DLGAP2: variants seen among roughly 807,000 people sequenced by gnomAD.
DLGAP2 encodes the protein DLG associated protein 2.
A neutral mutation model predicts 100.3 loss-of-function variants in DLGAP2; 26 were observed. The observed-to-expected ratio is 0.26, with a 90% CI of 0.19 to 0.36. The LOEUF (loss-of-function observed/expected upper bound fraction) is 0.36, where lower values mean the gene tolerates loss of function less well. Ranked by LOEUF, DLGAP2 falls within the 10% of genes least tolerant of loss-of-function variation. The pLI is 1.00. For synonymous variants in DLGAP2, 886 were observed against 630.1 expected, an observed-to-expected ratio of 1.41 and a Z score of -6.08; for missense variants, 1,858 against 1,453.2, an observed-to-expected ratio of 1.28 and a Z score of -4.53.
intron 6 of DLGAP2, among the ~76,000 whole-genome samples, chr8:1,593,568 A>T (rs191164975): frequency 6.6e-6 from 1 of 152,134 alleles, no homozygotes; most frequent in Admixed American, 6.5e-5. Context: ...TGCTCGGGAG[A>T]TTCTCTCAAG....
chr8:1,380,190 C>G (rs752579638), intron 3 of DLGAP2: 5 of 152,116 alleles, frequency 3.3e-5, no homozygotes, highest in Non-Finnish European at 7.3e-5. Flanking sequence ...GAAAAGAGTA[C>G]TCGAATGTGC....
rs190290515 is a variant in DLGAP2 at position 827,643 on chromosome 8, T to C, written c.19-80269T>C. Among the ~76,000 whole-genome samples, 362 of 152,326 alleles carry C rather than the reference T, an allele frequency of 2.4e-3. 6 individuals are homozygous for C. Among genetic ancestry groups the C allele is most frequent in the Non-Finnish European group, 3.2e-4 (22 of 68,028 alleles). On this transcript the variant is annotated intron_variant, in intron 1 of 14. Coordinates refer to ENST00000637795, the MANE Select transcript of DLGAP2 (RefSeq NM_001346810.2). Reference sequence around the variant, plus strand: ...TTTGTCTCATTTGAAATAAGATAAATGATAGCATGAATTCTTAGCATTACT... The same window carrying C: ...TTTGTCTCATTTGAAATAAGATAAACGATAGCATGAATTCTTAGCATTACT...
chr8:1,686,191 AT>A (rs1799110081), intron 12 of DLGAP2, among the ~76,000 whole-genome samples: 1 of 152,222 alleles, frequency 6.6e-6, no homozygotes, highest in African/African-American at 2.4e-5. Flanking sequence ...CAGTAGAAAA[AT>A]GGATAAAGAA....
chr8:1,444,602 T>A (rs1563153499), intron 3 of DLGAP2, among the ~76,000 whole-genome samples: 1 of 152,168 alleles, frequency 6.6e-6, no homozygotes, highest in Non-Finnish European at 1.5e-5. Context: ...GAACCCTCCC[T>A]CCACCTCCTT....
chr8:1,697,464 G>A (rs1313104296), intron 14 of DLGAP2, among the ~76,000 whole-genome samples, 165 bp downstream of exon 14: 1 of 152,174 alleles, frequency 6.6e-6, no homozygotes, highest in Non-Finnish European at 1.5e-5. Flanking sequence ...GCACATGTGT[G>A]TGCGTGTGTG....
intron 1 of DLGAP2, among the ~76,000 whole-genome samples, chr8:770,789 T>C (rs1821335926): frequency 6.6e-6 from 1 of 152,188 alleles, no homozygotes; most frequent in South Asian, 2.1e-4. Context: ...CACAGTTATA[T>C]ACTGACCTGT....
At chr8:798,909 T>C (rs961501143) in intron 1 of DLGAP2, among the ~76,000 whole-genome samples, 9 of 152,266 alleles carry the variant, frequency 5.9e-5, no homozygotes, top group Non-Finnish European at 8.8e-5. Context: ...CCTGCTTCCG[T>C]TGGCACTGAA....
intron 4 of DLGAP2, among the ~76,000 whole-genome samples, chr8:1,541,099 G>A (rs541911389): frequency 6.6e-5 from 10 of 152,288 alleles, no homozygotes; most frequent in Admixed American, 5.9e-4. Flanking sequence ...GTTATTCGGA[G>A]CAATTCCAGC....
At chr8:1,511,689 G>A (rs953694738) in intron 4 of DLGAP2, among the ~76,000 whole-genome samples, 1 of 151,004 alleles carries the variant, frequency 6.6e-6, no homozygotes, top group Non-Finnish European at 1.5e-5. Flanking sequence ...ACAATCAATA[G>A]ATGACCATCT....
intron 6 of DLGAP2, among the ~76,000 whole-genome samples, chr8:1,603,985 C>T (rs933849933): frequency 6.6e-6 from 1 of 152,144 alleles, no homozygotes; most frequent in Non-Finnish European, 1.5e-5. Context: ...CCAGCCACCG[C>T]GTCGGCACCT....
At chr8:894,010 C>G (rs1228200425) in intron 1 of DLGAP2, among the ~76,000 whole-genome samples, 1 of 152,254 alleles carries the variant, frequency 6.6e-6, no homozygotes, top group Non-Finnish European at 1.5e-5. Flanking sequence ...CCGTGTGGCT[C>G]AGGCTTCAGG....
rs148797571 is a variant in DLGAP2, at chr8:1,181,713, G to A, written c.74-77138G>A. Among the ~76,000 whole-genome samples, 214 of 152,216 alleles carry A rather than the reference G, an allele frequency of 1.4e-3. 2 individuals are homozygous for A. The South Asian group carries it at 0.022, about 15-fold the overall frequency. On this transcript the variant is annotated intron_variant, in intron 2 of 14. Transcript: ENST00000637795. ...TTAAATAAGAAATGAACAAACGATG[G>A]GAAGAATGTAAATTTGCAATACTGA...
At chr8:1,432,640 A>G (rs1352313618) in intron 3 of DLGAP2, among the ~76,000 whole-genome samples, 3 of 152,232 alleles carry the variant, frequency 2.0e-5, no homozygotes, top group African/African-American at 7.2e-5. Flanking sequence ...AACACATTTG[A>G]CATTTTCATA....
chr8:1,545,542 AC>A (rs1801505442), intron 4 of DLGAP2, among the ~76,000 whole-genome samples: 1 of 152,202 alleles, frequency 6.6e-6, no homozygotes, highest in South Asian at 2.1e-4. Context: ...TGTGTTTGCT[AC>A]CTCATTTTCA....
At chr8:1,130,753 G>C (rs546748556) in intron 2 of DLGAP2, among the ~76,000 whole-genome samples, 1 of 152,348 alleles carries the variant, frequency 6.6e-6, no homozygotes, top group East Asian at 1.9e-4. Flanking sequence ...GATGTTTGGT[G>C]CAGTCATCTT....
chr8:1,259,970 A>T (rs11136370), intron 3 of DLGAP2, among the ~76,000 whole-genome samples: 26,179 of 152,208 alleles, frequency 0.17, 2,549 homozygotes, highest in East Asian at 0.38. Context: ...ACATTTTTAA[A>T]TCATAAGCTT....
chr8:1,578,441 G>A (rs534018728), intron 6 of DLGAP2, among the ~76,000 whole-genome samples: 5 of 152,300 alleles, frequency 3.3e-5, no homozygotes, highest in African/African-American at 4.8e-5. Context: ...GAGATGGAAC[G>A]TGTCAGCAGT....
intron 2 of DLGAP2, among the ~76,000 whole-genome samples, chr8:1,064,056 T>C (rs1415780367): frequency 2.0e-5 from 3 of 151,298 alleles, no homozygotes; most frequent in Non-Finnish European, 4.4e-5. Flanking sequence ...TAACGGGGTT[T>C]GCAGCCCAGG....
At chr8:1,515,429 GACACATGCACAC>G (rs1308224837) in intron 4 of DLGAP2, among the ~76,000 whole-genome samples, 6 of 146,700 alleles carry the variant, frequency 4.1e-5, no homozygotes, top group Admixed American at 6.8e-5. Flanking sequence ...CACACACGCA[GACACATGCACAC>G]ACACGTGCAG....
Sources: allele counts gnomAD v4.1 joint callset (sites outside exome capture counted in the v4.1 genomes callset), GRCh38; gene constraint gnomAD v4.1.1; transcripts MANE v1.5; gene names NCBI Gene and HGNC (gene_info 2026-07-23, HGNC 2026-07-21).